CEP55: variants seen among roughly 807,000 people sequenced by gnomAD.
The protein encoded by CEP55 is centrosomal protein of 55 kDa.
Under a neutral mutation model 63.2 loss-of-function variants are expected in CEP55, and 57 were observed. The ratio of observed to expected loss-of-function variants is 0.90; its 90% CI spans 0.73 to 1.13. The LOEUF (loss-of-function observed/expected upper bound fraction) is 1.13. Ranked by LOEUF, CEP55 falls within the 50% of genes most tolerant of loss-of-function variation. CEP55 has a pLI of 0.00. For synonymous variants in CEP55, 178 were observed against 191.6 expected, an observed-to-expected ratio of 0.93 and a Z score of 0.59; for missense variants, 456 against 518.9, an observed-to-expected ratio of 0.88 and a Z score of 1.18.
intron 8 of CEP55, among the ~76,000 whole-genome samples, chr10:93,524,230 A>G (rs147578002): frequency 0.63 from 95,547 of 151,892 alleles, 33,505 homozygotes; most frequent in Non-Finnish European, 0.77. Flanking sequence ...AGAATCAAAT[A>G]GACACAATAA....
rs949104144 is a variant in CEP55, at chr10:93,499,023, C to T, written c.-12-1017C>T. 5.9e-5 allele frequency among the ~76,000 whole-genome samples: 9 copies of T among 152,056 alleles called. No individual in the cohort carries two copies. In the South Asian group the frequency reaches 6.2e-4, roughly 10 times the overall value. On this transcript the variant is annotated intron_variant, in intron 1 of 8. Transcript: ENST00000371485. ...ACTTTTATATACTATTTATATGCAT[C>T]GTATGCTTCACTAGATTTTTGCCTG...
At chr10:93,515,329 C>T (rs1213578619) in intron 4 of CEP55, 76 bp from the exon 5 acceptor site, 32 of 1,356,260 alleles carry the variant, frequency 2.4e-5, no homozygotes, top group Non-Finnish European at 3.0e-5. Flanking sequence ...AAGACTACAT[C>T]ACTTGGACTC....
At position 93,524,934 on chromosome 10, in the gene CEP55, A is replaced by G. The variant is rs551216764; in HGVS notation, c.1192-3016A>G. Reference sequence around the variant, plus strand: ...TCAATAAATTAGGTATTGATGGGACATATCTCAAAATAATAAGAGCTATTT... The same window carrying G: ...TCAATAAATTAGGTATTGATGGGACGTATCTCAAAATAATAAGAGCTATTT... On this transcript the variant is annotated intron_variant, in intron 8 of 8. Coordinates refer to ENST00000371485, the MANE Select transcript of CEP55 (RefSeq NM_018131.5). Among the ~76,000 whole-genome samples, 379 of 152,094 alleles carry G rather than the reference A, an allele frequency of 2.5e-3. 4 individuals are homozygous for G. Among genetic ancestry groups the G allele is most frequent in the African/African-American group, 8.9e-3 (371 of 41,494 alleles).
intron 4 of CEP55, among the ~76,000 whole-genome samples, chr10:93,513,326 G>A (rs980408288): frequency 4.6e-5 from 7 of 152,218 alleles, no homozygotes; most frequent in East Asian, 1.9e-4. Context: ...CTTTGCTCAA[G>A]AGTTTGTAGG....
chr10:93,521,122 G>A (rs758550525), intron 8 of CEP55, among the ~76,000 whole-genome samples: 2 of 152,102 alleles, frequency 1.3e-5, no homozygotes, highest in Non-Finnish European at 2.9e-5. Context: ...GCAGCGCACC[G>A]AGCGTGAACC....
At position 93,528,164 on chromosome 10, in the gene CEP55, A is replaced by G; in HGVS notation, c.*11A>G. 1 of 1,601,492 alleles carries G rather than the reference A, an allele frequency of 6.2e-7. No homozygotes were observed. Among genetic ancestry groups the G allele is most frequent in the Non-Finnish European group, 8.6e-7 (1 of 1,169,116 alleles). ...TACTGTTCAAAGTAGCAAAATAAGTATTTGTTTTGATATTAAAAGATTCAA... is the reference window on the plus strand; with the variant it reads ...TACTGTTCAAAGTAGCAAAATAAGTGTTTGTTTTGATATTAAAAGATTCAA... On this transcript the variant is annotated 3_prime_UTR_variant, in exon 9 of 9. Transcript: ENST00000371485.
chr10:93,497,120 G>T (rs528959204), intron 1 of CEP55, among the ~76,000 whole-genome samples, 197 bp downstream of exon 1: 3 of 152,200 alleles, frequency 2.0e-5, no homozygotes, highest in Non-Finnish European at 4.4e-5. Context: ...GAGATTTTAT[G>T]TGGGAATTTT....
Position 93,519,721 on chromosome 10 carries a change from G to A in CEP55, c.1105G>A (p.Asp369Asn), listed in dbSNP as rs746519802. The A allele has an allele frequency of 3.0e-5, 48 of 1,614,026 alleles. No homozygotes were observed. The East Asian group carries it at 4.5e-4, about 15-fold the overall frequency. The part of the protein sequence containing the change: ...CTLDFENEKL[D>N]RQHVQHQLHV... The stretch of plus-strand genomic sequence containing the variant: ...TTTAGACTTTGAAAATGAAAAACTC[G>A]ACCGTCAACATGTGCAGCATCAATT... The change falls in exon 8 of 9, where the codon GAC becomes AAC. Residue 369 changes from aspartate (D) to asparagine (N), a missense_variant. By Grantham distance (23) the Asp-to-Asn change is conservative. Transcript: ENST00000371485.
intron 8 of CEP55, among the ~76,000 whole-genome samples, chr10:93,526,518 T>A (rs1320972289): frequency 2.0e-5 from 3 of 152,174 alleles, no homozygotes; most frequent in Non-Finnish European, 2.9e-5. Flanking sequence ...ATTGTGGAAG[T>A]CAGTGTGGCA....
At chr10:93,520,119 G>C in intron 8 of CEP55, 2 of 343,638 alleles carry the variant, frequency 5.8e-6, no homozygotes, top group South Asian at 5.7e-5. Context: ...AACTGAAATT[G>C]TGTTTATCTA....
At chr10:93,497,072 T>TC (rs199986467) in intron 1 of CEP55, 149 bp downstream of exon 1, 1 of 151,946 alleles carries the variant, frequency 6.6e-6, no homozygotes, top group Non-Finnish European at 1.5e-5. Context: ...CTTGTGCCTT[T>TC]TTTTGCAGTT....
At chr10:93,505,814 A>G (rs1391614384) in intron 3 of CEP55, among the ~76,000 whole-genome samples, 2 of 151,974 alleles carry the variant, frequency 1.3e-5, no homozygotes, top group Non-Finnish European at 2.9e-5. Flanking sequence ...TGAGTTCCAT[A>G]TAATCTATAT....
intron 2 of CEP55, 22 bp from the exon 3 acceptor site, chr10:93,503,091 A>T (rs1197803514): frequency 1.9e-6 from 3 of 1,601,374 alleles, no homozygotes; most frequent in Non-Finnish European, 2.6e-6. Flanking sequence ...TTGTTCTAAG[A>T]TTCTTCTTAG....
chr10:93,501,884 C>T (rs2057639238), intron 2 of CEP55, among the ~76,000 whole-genome samples: 1 of 152,130 alleles, frequency 6.6e-6, no homozygotes, highest in Admixed American at 6.5e-5. Flanking sequence ...TATTGCTTCC[C>T]TGAGAGATAG....
At chr10:93,499,662 C>T (rs924621505) in intron 1 of CEP55, among the ~76,000 whole-genome samples, 1 of 151,902 alleles carries the variant, frequency 6.6e-6, no homozygotes, top group Non-Finnish European at 1.5e-5. Context: ...TCTGGGATTA[C>T]AGGCACCTGC....
intron 4 of CEP55, 31 bp from the exon 5 acceptor site, chr10:93,515,374 A>T: frequency 6.4e-7 from 1 of 1,556,672 alleles, no homozygotes; most frequent in East Asian, 2.3e-5. Flanking sequence ...TTTTTATTTT[A>T]CTGTTGATTT....
At chr10:93,519,861 A>G in intron 8 of CEP55, 54 bp downstream of exon 8, 1 of 1,597,000 alleles carries the variant, frequency 6.3e-7, no homozygotes. Context: ...TTTATATACC[A>G]AATCAGTTCC....
chr10:93,513,529 A>G (rs1410671402), intron 4 of CEP55, among the ~76,000 whole-genome samples: 3 of 152,234 alleles, frequency 2.0e-5, no homozygotes, highest in Non-Finnish European at 4.4e-5. Context: ...TTGTGGAACT[A>G]GAGGTCTGGA....
intron 3 of CEP55, 94 bp from the exon 4 acceptor site, chr10:93,506,894 C>A: frequency 1.2e-6 from 1 of 842,014 alleles, no homozygotes; most frequent in Non-Finnish European, 2.1e-6. Flanking sequence ...TTTCGGGATG[C>A]CCCCGTGAGT....
Sources: allele counts gnomAD v4.1 joint callset (sites outside exome capture counted in the v4.1 genomes callset), GRCh38; gene constraint gnomAD v4.1.1; transcripts MANE v1.5; gene names NCBI Gene and HGNC (gene_info 2026-07-23, HGNC 2026-07-21).